The following LNPEP variants were observed in gnomAD, a reference collection of about 807,000 sequenced individuals.
LNPEP encodes leucyl-cystinyl aminopeptidase.
A neutral mutation model predicts 120.6 loss-of-function variants in LNPEP; 64 were observed. The ratio of observed to expected loss-of-function variants is 0.53; its 90% CI spans 0.43 to 0.65. The LOEUF (loss-of-function observed/expected upper bound fraction) is 0.65. LNPEP is among the 30% of genes least tolerant of loss of function. The pLI, the probability that LNPEP is intolerant of heterozygous loss-of-function variation, is 0.00. For missense variants in LNPEP, 1,057 were observed against 1,200.0 expected (o/e 0.88, Z 1.76); for synonymous variants, 435 against 425.4 (o/e 1.02, Z -0.28).
At chr5:96,994,514 TTGGAGAGGGGGTTTC>T (rs1790462485) in intron 6 of LNPEP, among the ~76,000 whole-genome samples, 2 of 151,980 alleles carry the variant, frequency 1.3e-5, no homozygotes, top group Admixed American at 1.3e-4. Context: ...TCTGTTAATT[TTGGAGAGGGGGTTTC>T]TGAGAAAATG....
At chr5:96,951,698 A>C (rs775417126) in intron 1 of LNPEP, among the ~76,000 whole-genome samples, 2 of 152,166 alleles carry the variant, frequency 1.3e-5, no homozygotes, top group Non-Finnish European at 2.9e-5. Flanking sequence ...CACAGGAATA[A>C]GTTTTTGGAG....
chr5:96,954,625 T>TATATACATATATAC (rs1554066317), intron 1 of LNPEP, among the ~76,000 whole-genome samples: 3 of 121,386 alleles, frequency 2.5e-5, no homozygotes, highest in African/African-American at 9.3e-5. Context: ...TCTCTATATA[T>TATATACATATATAC]ATATATACAT....
chr5:97,000,372 A>G (rs964847311), intron 8 of LNPEP, among the ~76,000 whole-genome samples: 1 of 152,212 alleles, frequency 6.6e-6, no homozygotes, highest in Non-Finnish European at 1.5e-5. Context: ...TGAGACTGCT[A>G]TTCTTTGAAA....
At chr5:96,941,591 G>A (rs1789057544) in intron 1 of LNPEP, among the ~76,000 whole-genome samples, 1 of 152,164 alleles carries the variant, frequency 6.6e-6, no homozygotes, top group Admixed American at 6.5e-5. Flanking sequence ...TGGTGGTACA[G>A]TTCTTTTTAT....
intron 1 of LNPEP, among the ~76,000 whole-genome samples, chr5:96,941,068 C>A (rs560737401): frequency 6.6e-6 from 1 of 152,226 alleles, no homozygotes; most frequent in East Asian, 1.9e-4. Flanking sequence ...GAGCCCTGAG[C>A]TTGTTTTCCT....
chr5:97,027,290 T>C (rs1427355029), intron 16 of LNPEP, among the ~76,000 whole-genome samples: 1 of 151,936 alleles, frequency 6.6e-6, no homozygotes, highest in African/African-American at 2.4e-5. Context: ...GAGGCAGAAC[T>C]TGCAGTGAGC....
At chr5:96,949,934 C>T (rs1262099237) in intron 1 of LNPEP, among the ~76,000 whole-genome samples, 1 of 152,182 alleles carries the variant, frequency 6.6e-6, no homozygotes, top group African/African-American at 2.4e-5. Context: ...CTCCCTCCCT[C>T]CTTTCCTTTT....
rs114825147 is a variant in LNPEP at position 96,961,295 on chromosome 5, G to A, written c.20-17843G>A. Among the ~76,000 whole-genome samples the A allele has an allele frequency of 4.2e-3, 643 of 152,094 alleles. 8 individuals are homozygous for A. Among genetic ancestry groups the A allele is most frequent in the African/African-American group, 0.014 (597 of 41,506 alleles). ...TTTCAAAATCACCAGACAGAATTTG[G>A]GTAGAACTAAACTTAGCTGAGCAGT... is the stretch of plus-strand genomic sequence containing the variant. On this transcript the variant is annotated intron_variant, in intron 1 of 17. Transcript: ENST00000231368.
chr5:97,021,919 TTTTG>T (rs1791207487), intron 13 of LNPEP, among the ~76,000 whole-genome samples: 1 of 132,404 alleles, frequency 7.6e-6, no homozygotes, highest in African/African-American at 2.8e-5. Context: ...GTTTTTTGTC[TTTTG>T]TTTTTTTTTT....
chr5:96,971,714 C>A (rs1464683729), intron 1 of LNPEP, among the ~76,000 whole-genome samples: 1 of 151,886 alleles, frequency 6.6e-6, no homozygotes, highest in Non-Finnish European at 1.5e-5. Flanking sequence ...ATTTATTGAA[C>A]CTTTTTCTCC....
intron 13 of LNPEP, 87 bp from the exon 14 acceptor site, chr5:97,022,213 G>T: frequency 1.2e-6 from 1 of 825,320 alleles, no homozygotes; most frequent in South Asian, 1.7e-5. Flanking sequence ...ACAGGCACGA[G>T]ACACTGCACC....
chr5:97,013,048 C>T (rs1379006266), intron 11 of LNPEP, among the ~76,000 whole-genome samples: 1 of 152,150 alleles, frequency 6.6e-6, no homozygotes, highest in Non-Finnish European at 1.5e-5. Flanking sequence ...CCTGCTGCCT[C>T]ATCCTACACC....
chr5:96,985,254 A>C, intron 3 of LNPEP, 36 bp downstream of exon 3: 1 of 1,565,790 alleles, frequency 6.4e-7, no homozygotes, highest in Non-Finnish European at 8.7e-7. Context: ...AAATCTTTGA[A>C]TGGGTCTCTT....
chr5:96,972,198 A>G (rs1789883421), intron 1 of LNPEP, among the ~76,000 whole-genome samples: 2 of 152,090 alleles, frequency 1.3e-5, no homozygotes, highest in South Asian at 2.1e-4. Flanking sequence ...TAAGGTGTTT[A>G]TCAGGCTCCT....
intron 1 of LNPEP, among the ~76,000 whole-genome samples, chr5:96,963,164 A>G (rs1287504011): frequency 6.6e-6 from 1 of 152,240 alleles, no homozygotes; most frequent in Non-Finnish European, 1.5e-5. Flanking sequence ...TATGTAGCAT[A>G]TAATTTCAAT....
At chr5:96,989,418 AATTATAT>A (rs1790343619) in intron 4 of LNPEP, among the ~76,000 whole-genome samples, 1 of 130,314 alleles carries the variant, frequency 7.7e-6, no homozygotes, top group Non-Finnish European at 1.7e-5. Context: ...TATAATATAT[AATTATAT>A]ATTATATATT....
chr5:97,012,575 A>G (rs1289459611), intron 11 of LNPEP, among the ~76,000 whole-genome samples: 3 of 152,208 alleles, frequency 2.0e-5, no homozygotes, highest in African/African-American at 7.2e-5. Context: ...TAAGCAAAAT[A>G]GTAAGCTTAT....
intron 8 of LNPEP, among the ~76,000 whole-genome samples, chr5:97,001,623 G>A (rs1561447848): frequency 6.6e-6 from 1 of 152,176 alleles, no homozygotes; most frequent in Non-Finnish European, 1.5e-5. Context: ...GGGGTCCAAA[G>A]ATCAGATGCA....
chr5:97,036,953 G>T lies in LNPEP; in HGVS notation c.*8420G>T, dbSNP rs569323732. 2 of 152,228 alleles carry T rather than the reference G, an allele frequency of 1.3e-5. No homozygotes were observed. The highest frequency in any genetic ancestry group is 6.5e-5 in the Admixed American group (1 of 15,268). The allele number at this position is 152,228 out of a possible 1,614,324, so 9.4% of individuals were successfully genotyped here. On this transcript the variant is annotated 3_prime_UTR_variant, in exon 18 of 18. Coordinates refer to ENST00000231368, the MANE Select transcript of LNPEP (RefSeq NM_005575.3). Reference sequence around the variant, plus strand: ...AGTTCTTAATTTAAAATACTTCAAAGGAAGTAAAGGTCATGGCTTAGCTGA... The same window carrying T: ...AGTTCTTAATTTAAAATACTTCAAATGAAGTAAAGGTCATGGCTTAGCTGA...
Sources: gnomAD v4.1 joint callset for allele counts (sites outside exome capture counted in the v4.1 genomes callset) on GRCh38, gnomAD v4.1.1 for gene constraint, MANE v1.5 for transcripts, NCBI Gene and HGNC (gene_info 2026-07-23, HGNC 2026-07-21) for gene names.